Variants in PTK2 observed in about 807,000 individuals in gnomAD.
PTK2 encodes focal adhesion kinase 1.
PTK2 carries 45 observed loss-of-function variants against 150.1 expected under a neutral mutation model. That is an observed-to-expected ratio of 0.30 (90% CI 0.24 to 0.38). The LOEUF is 0.38. Ranked by LOEUF, PTK2 falls within the 10% of genes least tolerant of loss-of-function variation. The pLI, the probability that PTK2 is intolerant of heterozygous loss-of-function variation, is 1.00. For missense variants in PTK2, 919 were observed against 1,307.3 expected, an observed-to-expected ratio of 0.70 and a Z score of 4.58; for synonymous variants, 432 against 449.2, an observed-to-expected ratio of 0.96 and a Z score of 0.48.
At chr8:140,820,822 A>G (rs2100108099) in intron 8 of PTK2, 1 of 152,290 alleles carries the variant, frequency 6.6e-6, no homozygotes, top group South Asian at 2.1e-4. Context: ...TGGCTGGCCC[A>G]GCAGACAGGG....
At chr8:140,925,232 T>G (rs1458761166) in intron 2 of PTK2, among the ~76,000 whole-genome samples, 1 of 152,250 alleles carries the variant, frequency 6.6e-6, no homozygotes, top group Non-Finnish European at 1.5e-5. Flanking sequence ...AAAAAAATTA[T>G]TATTCATATT....
At chr8:140,759,641 GAGTCCAGA>G (rs2100068167) in intron 16 of PTK2, among the ~76,000 whole-genome samples, 1 of 151,538 alleles carries the variant, frequency 6.6e-6, no homozygotes, top group Admixed American at 6.6e-5. Context: ...AGGATCACCT[GAGTCCAGA>G]AGTTTGAGAC....
chr8:140,839,208 G>GC, intron 7 of PTK2, among the ~76,000 whole-genome samples: 1 of 152,258 alleles, frequency 6.6e-6, no homozygotes, highest in East Asian at 1.9e-4. Context: ...GACGGTACCT[G>GC]CAAGGTGGGG....
chr8:140,789,326 T>C (rs2100086959), intron 14 of PTK2, 148 bp downstream of exon 14: 2 of 634,660 alleles, frequency 3.2e-6, no homozygotes, highest in Non-Finnish European at 5.0e-6. Context: ...AACTATTTAA[T>C]GATGGTAAAA....
intron 1 of PTK2, among the ~76,000 whole-genome samples, chr8:140,953,564 T>C (rs2100180214): frequency 6.6e-6 from 1 of 152,202 alleles, no homozygotes; most frequent in African/African-American, 2.4e-5. Flanking sequence ...TCAGGGTGCA[T>C]GAGATTTCAT....
chr8:140,867,130 C>T (rs1030774508), intron 4 of PTK2, among the ~76,000 whole-genome samples: 3 of 152,038 alleles, frequency 2.0e-5, no homozygotes, highest in East Asian at 3.9e-4. Context: ...TCATGATAGT[C>T]GGGTTCTTTC....
intron 30 of PTK2, among the ~76,000 whole-genome samples, chr8:140,666,902 G>T (rs974156674): frequency 1.3e-5 from 2 of 152,232 alleles, no homozygotes; most frequent in Non-Finnish European, 2.9e-5. Flanking sequence ...TAAACAAAAT[G>T]TGGTGTGAAC....
intron 1 of PTK2, among the ~76,000 whole-genome samples, chr8:140,986,411 T>G (rs923546371): frequency 6.6e-6 from 1 of 152,226 alleles, no homozygotes; most frequent in Non-Finnish European, 1.5e-5. Context: ...CAGAATATTT[T>G]TATAATCTTA....
intron 16 of PTK2, among the ~76,000 whole-genome samples, chr8:140,757,160 C>G (rs1565760074): frequency 6.6e-6 from 1 of 152,102 alleles, no homozygotes; most frequent in Non-Finnish European, 1.5e-5. Flanking sequence ...AGAATGCTTA[C>G]CTATCAGGAA....
intron 14 of PTK2, chr8:140,764,645 C>A (rs1025273234): frequency 1.4e-5 from 5 of 356,006 alleles, no homozygotes; most frequent in Non-Finnish European, 5.0e-6. Flanking sequence ...TTTAAAACTA[C>A]AGTTGTCTAC....
At chr8:140,663,443 G>C (rs1300952721) in intron 31 of PTK2, among the ~76,000 whole-genome samples, 1 of 152,238 alleles carries the variant, frequency 6.6e-6, no homozygotes, top group African/African-American at 2.4e-5. Flanking sequence ...GGCAGCTGGA[G>C]TCAGCAGGGA....
chr8:141,000,127 C>CACACACA (rs58481152), intron 1 of PTK2, among the ~76,000 whole-genome samples: 5,415 of 123,666 alleles, frequency 0.044, 305 homozygotes, highest in East Asian at 0.1. Flanking sequence ...ACACACACAC[C>CACACACA]CCTTCTTCTA....
intron 27 of PTK2, among the ~76,000 whole-genome samples, chr8:140,680,086 G>A (rs2100016166): frequency 6.6e-6 from 1 of 152,206 alleles, no homozygotes; most frequent in Non-Finnish European, 1.5e-5. Flanking sequence ...AGTACCCGAT[G>A]TGTCAAGAGT....
chr8:140,997,782 T>G (rs2100198361), intron 1 of PTK2, among the ~76,000 whole-genome samples: 1 of 151,924 alleles, frequency 6.6e-6, no homozygotes, highest in Non-Finnish European at 1.5e-5. Context: ...CTACGAAAAA[T>G]GTAAAAATTA....
At chr8:140,862,030 T>C (rs369858414) in intron 5 of PTK2, among the ~76,000 whole-genome samples, 19 of 152,316 alleles carry the variant, frequency 1.2e-4, no homozygotes, top group South Asian at 2.1e-4. Flanking sequence ...CTGGGATACA[T>C]TGGTATGTGC....
At chr8:140,704,509 G>A (rs542581689) in intron 24 of PTK2, among the ~76,000 whole-genome samples, 1 of 152,234 alleles carries the variant, frequency 6.6e-6, no homozygotes, top group East Asian at 1.9e-4. Flanking sequence ...AGGCCTGCTG[G>A]GACACAAAGA....
intron 12 of PTK2, among the ~76,000 whole-genome samples, chr8:140,797,470 T>A (rs1369408564): frequency 6.6e-6 from 1 of 152,208 alleles, no homozygotes; most frequent in African/African-American, 2.4e-5. Flanking sequence ...TAATTAAATG[T>A]AACAGTTCTA....
intron 16 of PTK2, among the ~76,000 whole-genome samples, chr8:140,755,304 C>T (rs561409317): frequency 6.6e-6 from 1 of 152,258 alleles, no homozygotes; most frequent in East Asian, 1.9e-4. Flanking sequence ...TTTACTGACT[C>T]TCAGAATGAA....
chr8:140,994,192 T>C (rs1234201418), intron 1 of PTK2, among the ~76,000 whole-genome samples: 1 of 152,228 alleles, frequency 6.6e-6, no homozygotes, highest in Non-Finnish European at 1.5e-5. Context: ...AACTTTGTAG[T>C]GATGCTACTA....
Sources: allele counts gnomAD v4.1 joint callset (sites outside exome capture counted in the v4.1 genomes callset), GRCh38; gene constraint gnomAD v4.1.1; transcripts MANE v1.5; gene names NCBI Gene and HGNC (gene_info 2026-07-23, HGNC 2026-07-21).